The following GPR25 variants were observed in gnomAD, a reference collection of about 807,000 sequenced individuals.
GPR25 encodes the protein G protein-coupled receptor 25.
For missense variants in GPR25, 501 were observed against 503.0 expected (o/e 1.00, Z 0.04); for synonymous variants, 280 against 264.9 (o/e 1.06, Z -0.55).
chr1:200,873,335 G>A lies in GPR25; in HGVS notation c.298G>A (p.Ala100Thr). 2.0e-6 allele frequency: 3 copies of A among 1,479,300 alleles called. No homozygotes were observed. The highest frequency in any genetic ancestry group is 2.7e-6 in the Non-Finnish European group (3 of 1,125,722). 91.6% of individuals were successfully genotyped at this position (1,479,300 alleles called of 1,614,324 possible). A position where few individuals can be genotyped will look rare whatever the true frequency, so the allele number is the denominator to read the frequency against. ...LTLPLWAAAA[A>T]LGGRWPFGDG... Reference sequence around the variant, plus strand: ...GCTGCCGCTGTGGGCCGCGGCGGCGGCGCTAGGCGGCCGCTGGCCGTTCGG... The same window carrying A: ...GCTGCCGCTGTGGGCCGCGGCGGCGACGCTAGGCGGCCGCTGGCCGTTCGG... Residue 100 changes from alanine (A) to threonine (T), a missense_variant, in exon 1 of 1, where the codon GCG becomes ACG. Physicochemically the swap from Ala to Thr is moderately conservative, Grantham distance 58. Coordinates refer to ENST00000304244, the MANE Select transcript of GPR25 (RefSeq NM_005298.4).
rs746142941 is a variant in GPR25 at position 200,874,147 on chromosome 1, G to A, written c.*24G>A. ...AGCTGCCCCGGGCCGCTGGAGGTGG[G>A]CGGCAGCGGAGCATCGAGAGGAGGC... is the stretch of plus-strand genomic sequence containing the variant. On this transcript the variant is annotated 3_prime_UTR_variant, in exon 1 of 1. Coordinates refer to ENST00000304244, the MANE Select transcript of GPR25 (RefSeq NM_005298.4). The A allele has an allele frequency of 8.8e-5, 132 of 1,499,822 alleles. No individual in the cohort carries two copies. The highest frequency in any genetic ancestry group is 1.1e-4 in the Non-Finnish European group (125 of 1,118,466). The allele number at this position is 1,499,822 out of a possible 1,614,324, so 92.9% of individuals were successfully genotyped here. A position where few individuals can be genotyped will look rare whatever the true frequency, so the allele number is the denominator to read the frequency against.
chr1:200,873,667 C>T lies in GPR25; in HGVS notation c.630C>T (p.Thr210=), dbSNP rs757393105. 1 of 1,598,290 alleles carries T rather than the reference C, an allele frequency of 6.3e-7. No individual in the cohort carries two copies. Among genetic ancestry groups the T allele is most frequent in the Admixed American group, 1.7e-5 (1 of 60,000 alleles). The part of the protein sequence containing the change: ...QGLSLLLLLL[T]FVLPLVVTLF... ...TCAGCTTGCTGCTGCTGCTGCTGACCTTCGTGCTGCCCCTGGTCGTCACCC... is the reference window on the plus strand; with the variant it reads ...TCAGCTTGCTGCTGCTGCTGCTGACTTTCGTGCTGCCCCTGGTCGTCACCC... The change falls in exon 1 of 1, where the codon ACC becomes ACT. Residue 210 remains threonine (T), a synonymous_variant. Transcript: ENST00000304244.
rs573276776 is a variant in GPR25 at position 200,873,358 on chromosome 1, C to T, written c.321C>T (p.Phe107=). Residue 107 remains phenylalanine (F), a synonymous_variant, in exon 1 of 1, where the codon TTC becomes TTT. Transcript: ENST00000304244. ...AAAALGGRWP[F]GDGLCKLSSF... ...CGGCGCTAGGCGGCCGCTGGCCGTTCGGCGATGGCCTCTGCAAGCTCAGCA... is the reference window on the plus strand; with the variant it reads ...CGGCGCTAGGCGGCCGCTGGCCGTTTGGCGATGGCCTCTGCAAGCTCAGCA... 8.1e-6 allele frequency: 12 copies of T among 1,479,860 alleles called. No individual in the cohort carries two copies. The highest frequency in any genetic ancestry group is 2.5e-5 in the Admixed American group (1 of 39,278). The allele number at this position is 1,479,860 out of a possible 1,614,324, so 91.7% of individuals were successfully genotyped here.
Position 200,873,494 on chromosome 1 carries a change from C to A in GPR25, c.457C>A (p.Pro153Thr). The A allele has an allele frequency of 6.4e-7, 1 of 1,562,506 alleles. No homozygotes were observed. The highest frequency in any genetic ancestry group is 1.2e-5 in the South Asian group (1 of 86,650). The change falls in exon 1 of 1, where the codon CCG becomes ACG. Residue 153 changes from proline to threonine, a missense_variant. Transcript: ENST00000304244. Reference sequence around the variant, plus strand: ...GCTCGAGGCGAGGCCACTGCGCACCCCGCGCTGCGCGCTGGCCTCGTGCTG... The same window carrying A: ...GCTCGAGGCGAGGCCACTGCGCACCACGCGCTGCGCGCTGGCCTCGTGCTG... ...KLLEARPLRT[P>T]RCALASCCGV...
Position 200,873,119 on chromosome 1 carries a change from G to A in GPR25, c.82G>A (p.Glu28Lys). 1 of 1,600,766 alleles carries A rather than the reference G, an allele frequency of 6.2e-7. No homozygotes were observed. The highest frequency in any genetic ancestry group is 2.2e-5 in the East Asian group (1 of 44,730). The change falls in exon 1 of 1, where the codon GAG (glutamate) becomes AAG (lysine). Residue 28 changes from glutamate to lysine, a missense_variant. Glu to Lys is a moderately conservative substitution (Grantham distance 56). Coordinates refer to ENST00000304244, the MANE Select transcript of GPR25 (RefSeq NM_005298.4). Reference protein sequence around the residue: ...YSGLDGLEELELCPAGDLPYG... With the variant: ...YSGLDGLEELKLCPAGDLPYG... ...GGGGTTGGACGGCCTGGAGGAGCTG[G>A]AGCTGTGTCCGGCCGGGGACCTGCC...
chr1:200,873,127 T>C lies in GPR25; in HGVS notation c.90T>C (p.Cys30=). The change falls in exon 1 of 1, where the codon TGT becomes TGC. Residue 30 remains cysteine, a synonymous_variant. Coordinates refer to ENST00000304244, the MANE Select transcript of GPR25 (RefSeq NM_005298.4). ...ACGGCCTGGAGGAGCTGGAGCTGTG[T>C]CCGGCCGGGGACCTGCCCTACGGCT... is the stretch of plus-strand genomic sequence containing the variant. The part of the protein sequence containing the change: ...GLDGLEELEL[C]PAGDLPYGYV... 6.2e-7 allele frequency: 1 copy of C among 1,602,018 alleles called. No homozygotes were observed. Among genetic ancestry groups the C allele is most frequent in the Non-Finnish European group, 8.5e-7 (1 of 1,177,756 alleles).
chr1:200,874,072 C>G lies in GPR25; in HGVS notation c.1035C>G (p.Ser345=), dbSNP rs759541699. The G allele has an allele frequency of 6.3e-7, 1 of 1,597,514 alleles. No homozygotes were observed. Among genetic ancestry groups the G allele is most frequent in the Non-Finnish European group, 8.5e-7 (1 of 1,170,230 alleles). The change falls in exon 1 of 1, where the codon TCC becomes TCG. Residue 345 remains serine (S), a synonymous_variant. Transcript: ENST00000304244. ...CCTCGCTCTCCAGGGACGACAGTTC[C>G]GTGTTCCGTTGCCGGGCCCAGGCCG... The part of the protein sequence containing the change: ...SASSLSRDDS[S]VFRCRAQAAN...
In GPR25 at chr1:200,873,188, G is replaced by A. The variant is rs752404907; in HGVS notation, c.151G>A (p.Ala51Thr). 3.2e-5 allele frequency: 51 copies of A among 1,606,268 alleles called. No homozygotes were observed. In the Admixed American group the frequency reaches 8.5e-4, roughly 27 times the overall value. ...CCCCGCGCTCTACCTGGCGGCCTTC[G>A]CCGTGGGCCTGCTGGGCAACGCCTT... The part of the protein sequence containing the change: ...YIPALYLAAF[A>T]VGLLGNAFVV... Residue 51 changes from alanine (A) to threonine (T), a missense_variant, in exon 1 of 1, where the codon GCC becomes ACC. Transcript: ENST00000304244.
rs768767160 is a variant in GPR25 at position 200,873,233 on chromosome 1, G to C, written c.196G>C (p.Gly66Arg). ...GNAFVVWLLA[G>R]RRGPRRLVDT... ...CGCCTTTGTGGTGTGGCTGCTGGCCGGGCGGCGGGGCCCGCGGCGGCTGGT... is the reference window on the plus strand; with the variant it reads ...CGCCTTTGTGGTGTGGCTGCTGGCCCGGCGGCGGGGCCCGCGGCGGCTGGT... The change falls in exon 1 of 1, where the codon GGG becomes CGG. Residue 66 changes from glycine (G) to arginine (R), a missense_variant. Transcript: ENST00000304244. The C allele has an allele frequency of 1.3e-6, 2 of 1,590,442 alleles. No homozygotes were observed. The highest frequency in any genetic ancestry group is 1.7e-6 in the Non-Finnish European group (2 of 1,172,040).
Position 200,874,085 on chromosome 1 carries a change from C to G in GPR25, c.1048C>G (p.Arg350Gly). ...GGACGACAGTTCCGTGTTCCGTTGC[C>G]GGGCCCAGGCCGCGAACACTGCCTC... ...SRDDSSVFRC[R>G]AQAANTASAS... The change falls in exon 1 of 1, where the codon CGG (arginine) becomes GGG (glycine). Residue 350 changes from arginine to glycine, a missense_variant. Arg to Gly is a moderately radical substitution (Grantham distance 125, BLOSUM62 -2). Transcript: ENST00000304244. The G allele has an allele frequency of 1.3e-6, 2 of 1,584,606 alleles. No individual in the cohort carries two copies. Among genetic ancestry groups the G allele is most frequent in the South Asian group, 1.1e-5 (1 of 88,396 alleles).
Position 200,873,508 on chromosome 1 carries a change from G to A in GPR25, c.471G>A (p.Leu157=), listed in dbSNP as rs1668000715. Residue 157 remains leucine, a synonymous_variant, in exon 1 of 1, where the codon CTG becomes CTA. Transcript: ENST00000304244. ...ARPLRTPRCA[L]ASCCGVWAVA... is the part of the protein sequence containing the mutation. ...CACTGCGCACCCCGCGCTGCGCGCT[G>A]GCCTCGTGCTGCGGCGTCTGGGCCG... 1.0e-5 allele frequency: 16 copies of A among 1,562,074 alleles called. No individual in the cohort carries two copies. The highest frequency in any genetic ancestry group is 1.4e-5 in the Non-Finnish European group (16 of 1,162,646).
Position 200,873,551 on chromosome 1 carries a change from C to T in GPR25, c.514C>T (p.Leu172=). ...GVWAVALLAG[L]PSLVYRGLQP... ...CTGGGCCGTGGCGCTGCTGGCCGGC[C>T]TGCCCTCCCTGGTCTACCGGGGGTT... Residue 172 remains leucine (L), a synonymous_variant, in exon 1 of 1, where the codon CTG becomes TTG. Transcript: ENST00000304244. 6.4e-7 allele frequency: 1 copy of T among 1,568,112 alleles called. No individual in the cohort carries two copies.
chr1:200,873,831 C>A lies in GPR25; in HGVS notation c.794C>A (p.Ala265Asp). The change falls in exon 1 of 1, where the codon GCC becomes GAC. Residue 265 changes from alanine to aspartate, a missense_variant. Ala to Asp is a moderately radical substitution (Grantham distance 126, BLOSUM62 -2). Transcript: ENST00000304244. The part of the protein sequence containing the change: ...GSWLPFSALR[A>D]VFHLARLGAL... Reference sequence around the variant, plus strand: ...TGGCTGCCCTTCAGCGCCCTGCGGGCCGTCTTCCACCTGGCGCGTCTGGGG... The same window carrying A: ...TGGCTGCCCTTCAGCGCCCTGCGGGACGTCTTCCACCTGGCGCGTCTGGGG... 1 of 1,601,434 alleles carries A rather than the reference C, an allele frequency of 6.2e-7. No individual in the cohort carries two copies. The highest frequency in any genetic ancestry group is 1.3e-5 in the African/African-American group (1 of 75,028).
In GPR25 at chr1:200,874,124, C is replaced by G. The variant is rs571118283; in HGVS notation, c.*1C>G. ...GAACACTGCCTCGGCCTCCTGGTAG[C>G]TGCCCCGGGCCGCTGGAGGTGGGCG... On this transcript the variant is annotated 3_prime_UTR_variant, in exon 1 of 1. Coordinates refer to ENST00000304244, the MANE Select transcript of GPR25 (RefSeq NM_005298.4). The G allele has an allele frequency of 1.7e-4, 254 of 1,526,858 alleles. 1 individual carries two copies. In the South Asian group the frequency reaches 2.0e-3, roughly 12 times the overall value. The allele number at this position is 1,526,858 out of a possible 1,614,324, so 94.6% of individuals were successfully genotyped here. A position where few individuals can be genotyped will look rare whatever the true frequency, so the allele number is the denominator to read the frequency against.
rs1271460246 is a variant in GPR25, at chr1:200,873,421, G to A, written c.384G>A (p.Leu128=). The A allele has an allele frequency of 6.0e-6, 9 of 1,511,478 alleles. No homozygotes were observed. Among genetic ancestry groups the A allele is most frequent in the Non-Finnish European group, 7.9e-6 (9 of 1,139,364 alleles). 93.6% of individuals were successfully genotyped at this position (1,511,478 alleles called of 1,614,324 possible). A position where few individuals can be genotyped will look rare whatever the true frequency, so the allele number is the denominator to read the frequency against. Reference sequence around the variant, plus strand: ...CGGGCACGCGCTGCGCGGGCGCGCTGCTGCTGGCGGGCATGAGCGTGGACC... The same window carrying A: ...CGGGCACGCGCTGCGCGGGCGCGCTACTGCTGGCGGGCATGAGCGTGGACC... ...ALAGTRCAGA[L]LLAGMSVDRY... Residue 128 remains leucine (L), a synonymous_variant, in exon 1 of 1, where the codon CTG becomes CTA. Coordinates refer to ENST00000304244, the MANE Select transcript of GPR25 (RefSeq NM_005298.4).
At position 200,873,337 on chromosome 1, in the gene GPR25, G is replaced by A. The variant is rs1477661733; in HGVS notation, c.300G>A (p.Ala100=). Residue 100 remains alanine (A), a synonymous_variant, in exon 1 of 1, where the codon GCG becomes GCA. Coordinates refer to ENST00000304244, the MANE Select transcript of GPR25 (RefSeq NM_005298.4). ...TGCCGCTGTGGGCCGCGGCGGCGGC[G>A]CTAGGCGGCCGCTGGCCGTTCGGCG... ...LTLPLWAAAA[A]LGGRWPFGDG... is the part of the protein sequence containing the mutation. 17 of 1,480,136 alleles carry A rather than the reference G, an allele frequency of 1.1e-5. No individual in the cohort carries two copies. The highest frequency in any genetic ancestry group is 1.5e-5 in the Non-Finnish European group (17 of 1,126,012). 91.7% of individuals were successfully genotyped at this position (1,480,136 alleles called of 1,614,324 possible).
In GPR25 at chr1:200,874,027, G is replaced by A. The variant is rs763977104; in HGVS notation, c.990G>A (p.Ala330=). ...DGACGRTGRL[A]RRISSASSLS... Reference sequence around the variant, plus strand: ...CCTGCGGGCGCACCGGCCGCCTGGCGCGAAGGATCAGCTCAGCCTCCTCGC... The same window carrying A: ...CCTGCGGGCGCACCGGCCGCCTGGCACGAAGGATCAGCTCAGCCTCCTCGC... Residue 330 remains alanine (A), a synonymous_variant, in exon 1 of 1, where the codon GCG becomes GCA. Coordinates refer to ENST00000304244, the MANE Select transcript of GPR25 (RefSeq NM_005298.4). 2 of 1,611,376 alleles carry A rather than the reference G, an allele frequency of 1.2e-6. No homozygotes were observed. The highest frequency in any genetic ancestry group is 1.7e-5 in the Admixed American group (1 of 59,908).
chr1:200,874,047 C>T lies in GPR25; in HGVS notation c.1010C>T (p.Ser337Phe). The change falls in exon 1 of 1, where the codon TCC becomes TTC. Residue 337 changes from serine to phenylalanine, a missense_variant. Ser to Phe is a radical substitution (Grantham distance 155). Transcript: ENST00000304244. ...CTGGCGCGAAGGATCAGCTCAGCCT[C>T]CTCGCTCTCCAGGGACGACAGTTCC... is the stretch of plus-strand genomic sequence containing the variant. The part of the protein sequence containing the change: ...GRLARRISSA[S>F]SLSRDDSSVF... The T allele has an allele frequency of 1.2e-6, 2 of 1,610,326 alleles. No homozygotes were observed. Among genetic ancestry groups the T allele is most frequent in the Non-Finnish European group, 8.5e-7 (1 of 1,178,776 alleles).
At position 200,873,482 on chromosome 1, in the gene GPR25, C is replaced by CCACTGCGCACCCCG; in HGVS notation, c.447_460dup (p.Arg154HisfsTer61). ...CGTGGTGAAGCTGCTCGAGGCGAGG[C>CCACTGCGCACCCCG]CACTGCGCACCCCGCGCTGCGCGCT... is the stretch of plus-strand genomic sequence containing the variant. On this transcript the variant is annotated frameshift_variant, in exon 1 of 1. Transcript: ENST00000304244. LOFTEE classifies it low-confidence loss of function (END_TRUNC). 1 of 1,563,994 alleles carries CCACTGCGCACCCCG rather than the reference C, an allele frequency of 6.4e-7. No individual in the cohort carries two copies. The highest frequency in any genetic ancestry group is 1.4e-5 in the African/African-American group (1 of 73,370).
Sources: gnomAD v4.1 joint callset for allele counts on GRCh38, gnomAD v4.1.1 for gene constraint, MANE v1.5 for transcripts, NCBI Gene and HGNC (gene_info 2026-07-23, HGNC 2026-07-21) for gene names.